The following CNTNAP2 variants were observed in gnomAD, a reference collection of about 807,000 sequenced individuals.
CNTNAP2 encodes contactin-associated protein-like 2.
CNTNAP2 carries 98 observed loss-of-function variants against 155.2 expected under a neutral mutation model. That is an observed-to-expected ratio of 0.63 (90% CI 0.54 to 0.75). CNTNAP2 has a LOEUF of 0.75. CNTNAP2 is among the 30% of genes least tolerant of loss of function. CNTNAP2 has a pLI of 0.00. For missense variants in CNTNAP2, 1,727 were observed against 1,688.1 expected (o/e 1.02, Z -0.40); for synonymous variants, 651 against 631.2 (o/e 1.03, Z -0.47).
intron 1 of CNTNAP2, among the ~76,000 whole-genome samples, chr7:146,586,998 A>C (rs1401021569): frequency 1.4e-4 from 21 of 151,958 alleles, no homozygotes; most frequent in Admixed American, 1.4e-3. Context: ...TTTCTTATTA[A>C]ATATTATGGT....
intron 1 of CNTNAP2, among the ~76,000 whole-genome samples, chr7:146,600,673 G>A (rs1465388536): frequency 6.6e-6 from 1 of 152,040 alleles, no homozygotes; most frequent in African/African-American, 2.4e-5. Flanking sequence ...TACTTGTATT[G>A]TTGCATCGCT....
intron 18 of CNTNAP2, among the ~76,000 whole-genome samples, chr7:148,191,753 C>A (rs1274202601): frequency 6.6e-6 from 1 of 152,176 alleles, no homozygotes; most frequent in Non-Finnish European, 1.5e-5. Context: ...TCCAAGGCCT[C>A]ACCTCCTCCT....
At chr7:148,374,030 C>T (rs918164449) in intron 21 of CNTNAP2, among the ~76,000 whole-genome samples, 5 of 152,180 alleles carry the variant, frequency 3.3e-5, no homozygotes, top group African/African-American at 1.2e-4. Flanking sequence ...TGACATGGAG[C>T]GTCAGTTAAG....
intron 1 of CNTNAP2, among the ~76,000 whole-genome samples, chr7:146,769,461 A>G (rs1449442711): frequency 6.6e-6 from 1 of 152,186 alleles, no homozygotes; most frequent in Non-Finnish European, 1.5e-5. Flanking sequence ...ATAAAAATGG[A>G]TAGTATATTG....
At chr7:146,118,711 AGTT>A (rs1265430629) in intron 1 of CNTNAP2, among the ~76,000 whole-genome samples, 2 of 152,172 alleles carry the variant, frequency 1.3e-5, no homozygotes, top group African/African-American at 4.8e-5. Context: ...AAGATAAAAA[AGTT>A]GTTATTTCAT....
chr7:146,688,562 T>C (rs556334255), intron 1 of CNTNAP2, among the ~76,000 whole-genome samples: 23 of 152,194 alleles, frequency 1.5e-4, no homozygotes, highest in South Asian at 1.5e-3. Flanking sequence ...CTGAGATTCA[T>C]TGTCCAGGAG....
intron 15 of CNTNAP2, among the ~76,000 whole-genome samples, chr7:147,979,348 A>G (rs942193218): frequency 6.6e-6 from 1 of 152,238 alleles, no homozygotes; most frequent in Admixed American, 6.5e-5. Context: ...CACCTAAAGC[A>G]ATAGTATATA....
chr7:146,127,532 T>C (rs1214843733), intron 1 of CNTNAP2, among the ~76,000 whole-genome samples: 1 of 152,204 alleles, frequency 6.6e-6, no homozygotes, highest in Non-Finnish European at 1.5e-5. Context: ...GTATCTATCA[T>C]AAGGGAAATT....
chr7:148,212,333 T>C (rs1033144051), intron 18 of CNTNAP2, among the ~76,000 whole-genome samples: 1 of 152,192 alleles, frequency 6.6e-6, no homozygotes, highest in Non-Finnish European at 1.5e-5. Context: ...ACAAGGTTAT[T>C]TGTCTACTTG....
At chr7:147,892,154 A>T (rs1799706854) in intron 13 of CNTNAP2, among the ~76,000 whole-genome samples, 1 of 152,240 alleles carries the variant, frequency 6.6e-6, no homozygotes, top group Non-Finnish European at 1.5e-5. Context: ...AAGATGAACT[A>T]TTCTTAACAG....
chr7:147,174,079 C>T (rs991625352), intron 8 of CNTNAP2, among the ~76,000 whole-genome samples: 1 of 152,080 alleles, frequency 6.6e-6, no homozygotes, highest in Non-Finnish European at 1.5e-5. Context: ...AATGTCCCAT[C>T]AGCACAAAAA....
At chr7:146,850,170 A>G (rs192603215) in intron 3 of CNTNAP2, among the ~76,000 whole-genome samples, 8 of 152,322 alleles carry the variant, frequency 5.3e-5, no homozygotes, top group East Asian at 1.9e-4. Flanking sequence ...TGAAAGGTTC[A>G]TTCACCATCT....
intron 15 of CNTNAP2, among the ~76,000 whole-genome samples, chr7:148,038,226 C>A (rs917285032): frequency 2.6e-5 from 4 of 152,150 alleles, no homozygotes; most frequent in Non-Finnish European, 5.9e-5. Context: ...ATGCCTCAAC[C>A]TGTCCATCAA....
chr7:147,725,901 A>G (rs2116457094), intron 13 of CNTNAP2, among the ~76,000 whole-genome samples: 1 of 152,144 alleles, frequency 6.6e-6, no homozygotes, highest in Non-Finnish European at 1.5e-5. Context: ...AGTCTTTTTC[A>G]GTTTCTGACT....
rs181191274 is a variant in CNTNAP2 at position 147,930,022 on chromosome 7, C to T, written c.2255+26301C>T. On this transcript the variant is annotated intron_variant, in intron 14 of 23. Transcript: ENST00000361727. ...GCTCAGGCGGGAATGCTCACTCGCCCGCCTCACCTCCTGCTGCATGGCCTG... is the reference window on the plus strand; with the variant it reads ...GCTCAGGCGGGAATGCTCACTCGCCTGCCTCACCTCCTGCTGCATGGCCTG... Among the ~76,000 whole-genome samples, 194 of 152,174 alleles carry T rather than the reference C, an allele frequency of 1.3e-3. 1 individual carries two copies. The highest frequency in any genetic ancestry group is 4.5e-3 in the African/African-American group (186 of 41,510).
chr7:147,786,077 G>A (rs1397138191), intron 13 of CNTNAP2, among the ~76,000 whole-genome samples: 1 of 152,018 alleles, frequency 6.6e-6, no homozygotes, highest in African/African-American at 2.4e-5. Flanking sequence ...GGATCATGAG[G>A]TCAAGAGGTC....
At chr7:147,782,021 TAAA>T (rs11390927) in intron 13 of CNTNAP2, among the ~76,000 whole-genome samples, 22 of 137,818 alleles carry the variant, frequency 1.6e-4, no homozygotes, top group Non-Finnish European at 3.1e-4. Context: ...AGATTCCGTT[TAAA>T]AAAAAAAAAA....
chr7:147,980,517 CTG>C, intron 15 of CNTNAP2, among the ~76,000 whole-genome samples: 1 of 152,102 alleles, frequency 6.6e-6, no homozygotes, highest in African/African-American at 2.4e-5. Flanking sequence ...ACTTTTGTGT[CTG>C]TGTGAGAGAG....
At chr7:147,357,734 C>CT (rs1193262082) in intron 9 of CNTNAP2, among the ~76,000 whole-genome samples, 1 of 151,916 alleles carries the variant, frequency 6.6e-6, no homozygotes, top group Non-Finnish European at 1.5e-5. Context: ...CTAGTGAACA[C>CT]TTTTTTTGTT....
Sources: allele counts gnomAD v4.1 joint callset (sites outside exome capture counted in the v4.1 genomes callset), GRCh38; gene constraint gnomAD v4.1.1; transcripts MANE v1.5; gene names NCBI Gene and HGNC (gene_info 2026-07-23, HGNC 2026-07-21).